Variants in POC1B observed in about 807,000 individuals in gnomAD.
POC1B encodes POC1 centriolar protein B.
In POC1B, 44 loss-of-function variants were observed where a neutral mutation model predicts 60.6. That is an observed-to-expected ratio of 0.73 (90% CI 0.57 to 0.93). POC1B has a LOEUF of 0.93. POC1B is among the 40% of genes least tolerant of loss of function. The pLI is 0.00. For missense variants in POC1B, 555 were observed against 572.3 expected (o/e 0.97, Z 0.31); for synonymous variants, 180 against 198.9 (o/e 0.90, Z 0.80).
intron 2 of POC1B, chr12:89,502,635 G>A (rs2135748861): frequency 7.5e-7 from 1 of 1,325,392 alleles, no homozygotes; most frequent in East Asian, 2.3e-5. Flanking sequence ...GATCTTGTAA[G>A]GCCACAAGAT....
rs548148989 is a variant in POC1B at position 89,456,009 on chromosome 12, G to T, written c.1113+3629C>A. On this transcript the variant is annotated intron_variant, in intron 10 of 11. Transcript: ENST00000313546. ...TACAGTTAGTTTAAAACTCTTTTTT[G>T]TTGTTGTTGTTGTTGTTGTTGTTGT... is the stretch of plus-strand genomic sequence containing the variant. 5.3e-3 allele frequency among the ~76,000 whole-genome samples: 754 copies of T among 143,120 alleles called. 2 individuals are homozygous for T. Among genetic ancestry groups the T allele is most frequent in the African/African-American group, 0.02 (703 of 35,530 alleles). The allele number at this position is 143,120 out of a possible 152,430, so 93.9% of individuals were successfully genotyped here.
chr12:89,423,627 T>C (rs916882020), intron 11 of POC1B, among the ~76,000 whole-genome samples: 3 of 152,238 alleles, frequency 2.0e-5, no homozygotes, highest in African/African-American at 4.8e-5. Context: ...TGTTAAGTCA[T>C]CTGTAATTAA....
intron 2 of POC1B, among the ~76,000 whole-genome samples, chr12:89,511,899 C>CA (rs1191710743): frequency 6.6e-6 from 1 of 151,910 alleles, no homozygotes; most frequent in Non-Finnish European, 1.5e-5. Context: ...ACTAAAAATA[C>CA]AAAAATGAGC....
chr12:89,500,162 C>G (rs1869480708), intron 2 of POC1B: 4 of 1,593,156 alleles, frequency 2.5e-6, no homozygotes, highest in East Asian at 2.2e-5. Flanking sequence ...TTCCAGGGCA[C>G]GTGACATTAA....
chr12:89,493,531 A>T (rs1256328673), intron 3 of POC1B, among the ~76,000 whole-genome samples: 1 of 152,248 alleles, frequency 6.6e-6, no homozygotes, highest in East Asian at 1.9e-4. Context: ...TGAAATACAT[A>T]TTAAACAAAA....
At chr12:89,421,437 T>C (rs1880528422) in intron 11 of POC1B, among the ~76,000 whole-genome samples, 180 bp from the exon 12 acceptor site, 1 of 152,058 alleles carries the variant, frequency 6.6e-6, no homozygotes, top group Admixed American at 6.6e-5. Context: ...GGGCAAGGCA[T>C]TATCAAGCAG....
chr12:89,501,040 C>T, intron 2 of POC1B: 1 of 1,047,054 alleles, frequency 9.6e-7, no homozygotes, highest in East Asian at 2.5e-5. Context: ...CAAAGTTTTG[C>T]CAGTAGATCT....
intron 10 of POC1B, 144 bp from the exon 11 acceptor site, chr12:89,425,523 C>A: frequency 3.7e-6 from 2 of 545,996 alleles, no homozygotes; most frequent in African/African-American, 1.9e-5. Flanking sequence ...ATGGAAATTA[C>A]TATAATTAAA....
chr12:89,472,835 C>G (rs536258297), intron 4 of POC1B: 1 of 152,692 alleles, frequency 6.5e-6, no homozygotes, highest in Non-Finnish European at 1.5e-5. Context: ...GAAAATAGGA[C>G]AATTCATTTA....
intron 3 of POC1B, 48 bp from the exon 4 acceptor site, chr12:89,492,163 G>A: frequency 1.5e-6 from 2 of 1,344,880 alleles, no homozygotes; most frequent in Non-Finnish European, 2.0e-6. Context: ...TTTAATTATA[G>A]TTAATACTTA....
chr12:89,442,568 A>G (rs1272315532), intron 10 of POC1B, among the ~76,000 whole-genome samples: 2 of 152,246 alleles, frequency 1.3e-5, no homozygotes, highest in Non-Finnish European at 2.9e-5. Context: ...GGATTTTGTC[A>G]CCACCAGGCC....
intron 10 of POC1B, chr12:89,427,102 A>T (rs1477484883): frequency 6.6e-6 from 1 of 152,212 alleles, no homozygotes; most frequent in Non-Finnish European, 1.5e-5. Context: ...AATAATATTG[A>T]TGAAAAAAAT....
chr12:89,441,911 C>T (rs979565867), intron 10 of POC1B, among the ~76,000 whole-genome samples: 4 of 151,640 alleles, frequency 2.6e-5, no homozygotes, highest in Non-Finnish European at 5.9e-5. Context: ...GAATAAACAG[C>T]GTTTATGACC....
intron 2 of POC1B, among the ~76,000 whole-genome samples, chr12:89,510,418 A>G (rs1870122844): frequency 6.6e-6 from 1 of 152,182 alleles, no homozygotes; most frequent in Non-Finnish European, 1.5e-5. Flanking sequence ...AGTATCATTC[A>G]GCTCTCAGTC....
chr12:89,443,714 A>T (rs1447737761), intron 10 of POC1B, among the ~76,000 whole-genome samples: 2 of 151,788 alleles, frequency 1.3e-5, no homozygotes, highest in African/African-American at 4.8e-5. Flanking sequence ...AAGAGCAAAC[A>T]CATTCAAAAG....
intron 10 of POC1B, among the ~76,000 whole-genome samples, chr12:89,446,370 T>C (rs1161505027): frequency 6.6e-6 from 1 of 152,060 alleles, no homozygotes; most frequent in Admixed American, 6.5e-5. Flanking sequence ...CCAACAACAA[T>C]AGACTGGATT....
the POC1B span, among the ~76,000 whole-genome samples, chr12:89,403,057 G>T: frequency 6.6e-6 from 1 of 151,436 alleles, no homozygotes; most frequent in South Asian, 2.1e-4. Context: ...ACCCAGGCTG[G>T]AATGCAGTGT....
chr12:89,525,177 T>G lies in POC1B; in HGVS notation c.43A>C (p.Lys15Gln). 1.2e-6 allele frequency: 2 copies of G among 1,613,370 alleles called. 1 individual carries two copies. Among genetic ancestry groups the G allele is most frequent in the South Asian group, 2.2e-5 (2 of 91,072 alleles). The change falls in exon 2 of 12, where the codon AAA becomes CAA. Residue 15 changes from lysine to glutamine, a missense_variant. Transcript: ENST00000313546. Reference protein sequence around the residue: ...TEDPVLERYFKGHKAAITSLD... With the variant: ...TEDPVLERYFQGHKAAITSLD... ...GAGGTGATCGCAGCTTTGTGGCCTTTGAAATAACGCTCCAGAACGGGGTCC... is the reference window on the plus strand; with the variant it reads ...GAGGTGATCGCAGCTTTGTGGCCTTGGAAATAACGCTCCAGAACGGGGTCC...
chr12:89,435,610 C>T (rs903820725), intron 10 of POC1B, among the ~76,000 whole-genome samples: 4 of 152,096 alleles, frequency 2.6e-5, no homozygotes, highest in African/African-American at 9.7e-5. Context: ...CGTGTAAAAT[C>T]ATGTAGGTGT....
Sources: allele counts gnomAD v4.1 joint callset (sites outside exome capture counted in the v4.1 genomes callset), GRCh38; gene constraint gnomAD v4.1.1; transcripts MANE v1.5; gene names NCBI Gene and HGNC (gene_info 2026-07-23, HGNC 2026-07-21).